RIMS2: variants seen among roughly 807,000 people sequenced by gnomAD.
RIMS2 encodes regulating synaptic membrane exocytosis protein 2.
A neutral mutation model predicts 174.4 loss-of-function variants in RIMS2; 59 were observed. That is an observed-to-expected ratio of 0.34 (90% CI 0.27 to 0.42). The LOEUF is 0.42. Ranked by LOEUF, RIMS2 falls within the 10% of genes least tolerant of loss-of-function variation. RIMS2 has a pLI of 1.00. For synonymous variants in RIMS2, 606 were observed against 572.5 expected (o/e 1.06, Z -0.84); for missense variants, 1,620 against 1,666.3 (o/e 0.97, Z 0.48).
At chr8:103,720,728 A>C (rs2097435636) in intron 2 of RIMS2, among the ~76,000 whole-genome samples, 1 of 152,242 alleles carries the variant, frequency 6.6e-6, no homozygotes, top group Non-Finnish European at 1.5e-5. Flanking sequence ...TTTAGACAGC[A>C]TACTATTCAA....
At position 103,949,146 on chromosome 8, in the gene RIMS2, AAGGG is replaced by A. The variant is rs1299808956; in HGVS notation, c.2701+6222_2701+6225del. On this transcript the variant is annotated intron_variant, in intron 14 of 23. Coordinates refer to ENST00000504942, the Ensembl canonical transcript of RIMS2. ...TGTCAAAAAAAAAAAAAAAAAAAAA[AAGGG>A]AAAGGGAAAGGGAAAGGGAAAGGGA... Among the ~76,000 whole-genome samples, 715 of 112,548 alleles carry A rather than the reference AAGGG, an allele frequency of 6.4e-3. 4 individuals carry two copies. Among genetic ancestry groups the A allele is most frequent in the South Asian group, 0.019 (77 of 3,988 alleles). The allele number at this position is 112,548 out of a possible 152,430, so 73.8% of individuals were successfully genotyped here.
intron 1 of RIMS2, among the ~76,000 whole-genome samples, chr8:103,673,343 A>ACC (rs2096768740): frequency 1.3e-5 from 2 of 152,040 alleles, no homozygotes; most frequent in African/African-American, 4.8e-5. Flanking sequence ...GGAAGCTCCA[A>ACC]CCCCACATTT....
intron 19 of RIMS2, among the ~76,000 whole-genome samples, chr8:104,171,844 A>G (rs1385828233): frequency 6.6e-6 from 1 of 152,154 alleles, no homozygotes; most frequent in Non-Finnish European, 1.5e-5. Flanking sequence ...CCTCTTAAGG[A>G]TAAGACTTTA....
chr8:104,157,266 C>G (rs569325209), intron 19 of RIMS2, among the ~76,000 whole-genome samples: 1 of 152,208 alleles, frequency 6.6e-6, no homozygotes, highest in East Asian at 1.9e-4. Context: ...CATCTAGGCT[C>G]GGCATGTAGC....
In RIMS2 at chr8:104,010,585, A is replaced by G. The variant is rs141675261; in HGVS notation, c.3045-2857A>G. Among the ~76,000 whole-genome samples, 133 of 152,300 alleles carry G rather than the reference A, an allele frequency of 8.7e-4. 2 individuals are homozygous for G. Among genetic ancestry groups the G allele is most frequent in the African/African-American group, 3.1e-3 (128 of 41,582 alleles). On this transcript the variant is annotated intron_variant, in intron 17 of 23. Coordinates refer to ENST00000504942, the Ensembl canonical transcript of RIMS2. ...TATCCTTTGTGAACGCATGCAGTTT[A>G]GAATAGCACCCATTAGATAATGATG...
intron 19 of RIMS2, among the ~76,000 whole-genome samples, chr8:104,027,447 T>G (rs996719656): frequency 1.3e-5 from 2 of 152,194 alleles, no homozygotes; most frequent in African/African-American, 4.8e-5. Context: ...AAGAACTCCC[T>G]TTCACCTCAT....
chr8:103,595,281 C>T (rs1200678804), intron 1 of RIMS2, among the ~76,000 whole-genome samples: 2 of 151,848 alleles, frequency 1.3e-5, no homozygotes, highest in Non-Finnish European at 2.9e-5. Context: ...TAATCCTCAT[C>T]ATATAAACAC....
At chr8:103,671,947 C>T (rs1433894678) in intron 1 of RIMS2, among the ~76,000 whole-genome samples, 1 of 152,178 alleles carries the variant, frequency 6.6e-6, no homozygotes, top group Non-Finnish European at 1.5e-5. Context: ...CAGGGTCCCT[C>T]TGTAGCATTC....
intron 19 of RIMS2, among the ~76,000 whole-genome samples, chr8:104,231,975 G>T (rs1432656686): frequency 6.6e-6 from 1 of 152,184 alleles, no homozygotes; most frequent in Non-Finnish European, 1.5e-5. Context: ...TTCACAGAAA[G>T]TTCTACTGGA....
At chr8:103,919,729 A>G (rs2077243557) in intron 9 of RIMS2, among the ~76,000 whole-genome samples, 1 of 152,146 alleles carries the variant, frequency 6.6e-6, no homozygotes, top group African/African-American at 2.4e-5. Context: ...TAAAGTTTTT[A>G]TCAGAGTAGT....
chr8:103,589,461 C>A (rs1294729228), intron 1 of RIMS2, among the ~76,000 whole-genome samples: 3 of 151,550 alleles, frequency 2.0e-5, no homozygotes, highest in African/African-American at 4.8e-5. Flanking sequence ...GAAAAGGGAA[C>A]CCTTGTACAC....
At chr8:104,228,369 G>A (rs2099202701) in intron 19 of RIMS2, among the ~76,000 whole-genome samples, 1 of 152,244 alleles carries the variant, frequency 6.6e-6, no homozygotes, top group South Asian at 2.1e-4. Context: ...AGCAAGAAGA[G>A]TATAAAGAGA....
At chr8:103,533,136 T>A (rs1457010953) in intron 1 of RIMS2, among the ~76,000 whole-genome samples, 1 of 152,216 alleles carries the variant, frequency 6.6e-6, no homozygotes, top group Non-Finnish European at 1.5e-5. Context: ...AAAGTAAGTT[T>A]CTAAGTGGTT....
intron 17 of RIMS2, among the ~76,000 whole-genome samples, chr8:103,995,458 A>C (rs576351137): frequency 6.6e-6 from 1 of 152,184 alleles, no homozygotes; most frequent in East Asian, 1.9e-4. Flanking sequence ...GTGAAAAGTG[A>C]AGCAGTGGAG....
intron 2 of RIMS2, among the ~76,000 whole-genome samples, chr8:103,706,376 G>A (rs1302246135): frequency 1.3e-5 from 2 of 152,090 alleles, no homozygotes; most frequent in East Asian, 3.9e-4. Context: ...TGTCTGTGTA[G>A]TTACTTATAC....
intron 19 of RIMS2, among the ~76,000 whole-genome samples, chr8:104,019,525 C>A (rs749493290): frequency 6.6e-6 from 1 of 152,010 alleles, no homozygotes; most frequent in Non-Finnish European, 1.5e-5. Flanking sequence ...TTTAGTTTTA[C>A]AACTGAAAAC....
At chr8:103,843,537 T>G (rs757224341) in intron 3 of RIMS2, among the ~76,000 whole-genome samples, 1 of 152,252 alleles carries the variant, frequency 6.6e-6, no homozygotes, top group Non-Finnish European at 1.5e-5. Flanking sequence ...TATTTGAGAC[T>G]TTTTCCTCAT....
intron 1 of RIMS2, among the ~76,000 whole-genome samples, chr8:103,635,868 C>T (rs144715280): frequency 6.6e-6 from 1 of 152,132 alleles, no homozygotes; most frequent in East Asian, 1.9e-4. Flanking sequence ...TCTAGGAGCA[C>T]TGTACTAGGG....
chr8:103,529,334 C>G (rs1394481330), intron 1 of RIMS2, among the ~76,000 whole-genome samples: 1 of 152,172 alleles, frequency 6.6e-6, no homozygotes, highest in African/African-American at 2.4e-5. Context: ...TGGCGGGTGC[C>G]CCTCCCCCAG....
Sources: allele counts gnomAD v4.1 joint callset (sites outside exome capture counted in the v4.1 genomes callset), GRCh38; gene constraint gnomAD v4.1.1; transcripts MANE v1.5; gene names NCBI Gene and HGNC (gene_info 2026-07-23, HGNC 2026-07-21).